LYST: variants seen among roughly 807,000 people sequenced by gnomAD.
The protein encoded by LYST is lysosomal trafficking regulator, also known as lysosomal-trafficking regulator.
A neutral mutation model predicts 413.6 loss-of-function variants in LYST; 192 were observed. That is an observed-to-expected ratio of 0.46 (90% CI 0.41 to 0.52). The LOEUF (loss-of-function observed/expected upper bound fraction) is 0.52. Ranked by LOEUF, LYST falls within the 20% of genes least tolerant of loss-of-function variation. The pLI is 0.00. For missense variants in LYST, 3,815 were observed against 4,499.9 expected (o/e 0.85, Z 4.35); for synonymous variants, 1,525 against 1,567.3 (o/e 0.97, Z 0.64).
At chr1:235,751,662 TATC>T in intron 27 of LYST, among the ~76,000 whole-genome samples, 1 of 152,118 alleles carries the variant, frequency 6.6e-6, no homozygotes, top group Non-Finnish European at 1.5e-5. Context: ...AACCGGCAAT[TATC>T]ATATTTTTTG....
intron 1 of LYST, among the ~76,000 whole-genome samples, chr1:235,845,358 C>T (rs1677699835): frequency 6.6e-6 from 1 of 152,140 alleles, no homozygotes; most frequent in South Asian, 2.1e-4. Flanking sequence ...CCTTAAGTAG[C>T]CCATTCCTGC....
At chr1:235,737,940 C>A in intron 31 of LYST, 1 of 1,199,870 alleles carries the variant, frequency 8.3e-7, no homozygotes, top group Non-Finnish European at 1.0e-6. Context: ...TGCCGCGTGC[C>A]CCAACACCCG....
intron 1 of LYST, among the ~76,000 whole-genome samples, chr1:235,835,162 C>A (rs183216261): frequency 6.6e-6 from 1 of 152,176 alleles, no homozygotes; most frequent in Admixed American, 6.5e-5. Flanking sequence ...GGTGATCCAC[C>A]CGCCTCGGCC....
intron 1 of LYST, among the ~76,000 whole-genome samples, chr1:235,859,500 G>GT (rs1480790049): frequency 8.8e-6 from 1 of 113,156 alleles, no homozygotes; most frequent in Non-Finnish European, 1.7e-5. Context: ...TGAGCACCAG[G>GT]CCTTTTTTTT....
intron 46 of LYST, among the ~76,000 whole-genome samples, chr1:235,695,825 C>T (rs1206557697): frequency 2.0e-5 from 3 of 151,738 alleles, no homozygotes; most frequent in African/African-American, 7.3e-5. Flanking sequence ...TTAGTAGAGA[C>T]GGGGTTTCAC....
intron 50 of LYST, among the ~76,000 whole-genome samples, chr1:235,668,464 G>T (rs1323228954): frequency 1.3e-5 from 2 of 151,996 alleles, no homozygotes; most frequent in East Asian, 3.8e-4. Flanking sequence ...AAGTTGACAA[G>T]GCCTTTTTGT....
At chr1:235,882,624 T>G (rs766399799) in intron 1 of LYST, among the ~76,000 whole-genome samples, 39 of 152,104 alleles carry the variant, frequency 2.6e-4, no homozygotes, top group South Asian at 4.1e-4. Flanking sequence ...GTTAAGAGTG[T>G]GTAGGAACCT....
chr1:235,786,295 T>C lies in LYST; in HGVS notation c.4862+905A>G, dbSNP rs191530117. Among the ~76,000 whole-genome samples, 173 of 152,278 alleles carry C rather than the reference T, an allele frequency of 1.1e-3. 1 individual carries two copies. Among genetic ancestry groups the C allele is most frequent in the African/African-American group, 3.7e-3 (154 of 41,576 alleles). On this transcript the variant is annotated intron_variant, in intron 14 of 52. Transcript: ENST00000389793. ...AAAAAGTCCAACTCTGACAGATTTG[T>C]AAGTTAAAGTATAGTAAATTTTTCA...
At chr1:235,872,903 G>C (rs1300200936) in intron 1 of LYST, among the ~76,000 whole-genome samples, 1 of 152,146 alleles carries the variant, frequency 6.6e-6, no homozygotes, top group African/African-American at 2.4e-5. Flanking sequence ...GTGACAGAGT[G>C]AGACTCTGTC....
chr1:235,691,414 C>T (rs1296575337), intron 47 of LYST, among the ~76,000 whole-genome samples: 1 of 152,146 alleles, frequency 6.6e-6, no homozygotes, highest in Non-Finnish European at 1.5e-5. Context: ...GCTTTAGGCC[C>T]AATGTTCTTT....
intron 24 of LYST, among the ~76,000 whole-genome samples, chr1:235,756,825 T>C (rs1260152920): frequency 1.3e-5 from 2 of 152,166 alleles, no homozygotes; most frequent in Non-Finnish European, 2.9e-5. Flanking sequence ...GAAGTTATTT[T>C]GATAAGATCA....
chr1:235,780,825 C>T (rs1251678217), intron 16 of LYST, 40 bp downstream of exon 16: 2 of 813,804 alleles, frequency 2.5e-6, no homozygotes, highest in East Asian at 2.9e-5. Context: ...TACCTAAATA[C>T]ATTTACTATA....
intron 1 of LYST, among the ~76,000 whole-genome samples, chr1:235,843,854 G>C (rs1677491822): frequency 6.6e-6 from 1 of 152,146 alleles, no homozygotes; most frequent in African/African-American, 2.4e-5. Context: ...ACACCCAAAA[G>C]ACTTGTTAGT....
In LYST at chr1:235,712,244, C is replaced by T. The variant is rs978992706; in HGVS notation, c.9785-47G>A. ...ACGATTAAGACACAAAGACCTAATT[C>T]TATTTGAGGCCTATCATAATTAATT... is the stretch of plus-strand genomic sequence containing the variant. On this transcript the variant is annotated intron_variant, in intron 42 of 52. Coordinates refer to ENST00000389793, the MANE Select transcript of LYST (RefSeq NM_000081.4). 10 of 1,313,320 alleles carry T rather than the reference C, an allele frequency of 7.6e-6. No individual in the cohort carries two copies. In the Admixed American group the frequency reaches 7.8e-5, roughly 10 times the overall value. 81.4% of individuals were successfully genotyped at this position (1,313,320 alleles called of 1,614,324 possible). A position where few individuals can be genotyped will look rare whatever the true frequency, so the allele number is the denominator to read the frequency against.
At chr1:235,864,546 C>A (rs1388101278) in intron 1 of LYST, among the ~76,000 whole-genome samples, 2 of 152,178 alleles carry the variant, frequency 1.3e-5, no homozygotes, top group Admixed American at 1.3e-4. Context: ...GGCAACAGTT[C>A]CGGATTGGTA....
chr1:235,714,525 T>C (rs531118205), intron 42 of LYST, among the ~76,000 whole-genome samples: 22 of 152,306 alleles, frequency 1.4e-4, no homozygotes, highest in African/African-American at 5.3e-4. Flanking sequence ...AGTTCAAGAA[T>C]GGTTGAGTAA....
At chr1:235,722,245 G>A (rs1663436707) in intron 39 of LYST, among the ~76,000 whole-genome samples, 1 of 152,182 alleles carries the variant, frequency 6.6e-6, no homozygotes, top group South Asian at 2.1e-4. Context: ...GGCTTTATCA[G>A]GTTATTGGAA....
intron 34 of LYST, 149 bp from the exon 35 acceptor site, chr1:235,731,326 A>G (rs774550836): frequency 1.1e-5 from 8 of 717,400 alleles, no homozygotes; most frequent in Non-Finnish European, 1.9e-5. Flanking sequence ...CAGGGAATGC[A>G]TATACAAGTA....
chr1:235,743,155 C>T (rs1463601519), intron 30 of LYST, among the ~76,000 whole-genome samples: 1 of 152,132 alleles, frequency 6.6e-6, no homozygotes, highest in African/African-American at 2.4e-5. Context: ...ATAGAGTATT[C>T]CCTAACAATT....
Sources: allele counts gnomAD v4.1 joint callset (sites outside exome capture counted in the v4.1 genomes callset), GRCh38; gene constraint gnomAD v4.1.1; transcripts MANE v1.5; gene names NCBI Gene and HGNC (gene_info 2026-07-23, HGNC 2026-07-21).